PSEN2: variants seen among roughly 807,000 people sequenced by gnomAD.
The protein encoded by PSEN2 is presenilin 2.
In PSEN2, 32 loss-of-function variants were observed where a neutral mutation model predicts 49.1. The observed-to-expected ratio is 0.65, with a 90% CI of 0.49 to 0.88. The LOEUF is 0.88. PSEN2 is among the 40% of genes least tolerant of loss of function. The pLI is 0.00. For synonymous variants in PSEN2, 255 were observed against 244.0 expected (o/e 1.05, Z -0.42); for missense variants, 522 against 586.9 (o/e 0.89, Z 1.14).
downstream of PSEN2, among the ~76,000 whole-genome samples, chr1:226,899,975 T>C (rs1662258401): frequency 6.6e-6 from 1 of 152,170 alleles, no homozygotes; most frequent in Admixed American, 6.5e-5. Context: ...GACTGGGAAA[T>C]GTCTTTATTT....
At chr1:226,886,740 G>A (rs957571580) in intron 6 of PSEN2, among the ~76,000 whole-genome samples, 7 of 152,148 alleles carry the variant, frequency 4.6e-5, no homozygotes, top group Non-Finnish European at 7.4e-5. Context: ...CCCTTCCAGC[G>A]GGGGCAGCAG....
rs572008951 is a variant in PSEN2, at chr1:226,895,281, G to A, written c.1192-143G>A. ...CTTAACACCTCAAGAGCTGTTGCAGGACCAGGGAAGATAATGGGGTGTCTA... is the reference window on the plus strand; with the variant it reads ...CTTAACACCTCAAGAGCTGTTGCAGAACCAGGGAAGATAATGGGGTGTCTA... On this transcript the variant is annotated intron_variant, in intron 12 of 12. Coordinates refer to ENST00000366783, the MANE Select transcript of PSEN2 (RefSeq NM_000447.3). 3.6e-5 allele frequency: 33 copies of A among 905,132 alleles called. No homozygotes were observed. The African/African-American group carries it at 5.1e-4, about 14-fold the overall frequency. The allele number at this position is 905,132 out of a possible 1,614,324, so 56.1% of individuals were successfully genotyped here. A position where few individuals can be genotyped will look rare whatever the true frequency, so the allele number is the denominator to read the frequency against.
At chr1:226,903,300 A>G (rs1232077558) in intron 12 of PSEN2, among the ~76,000 whole-genome samples, 1 of 152,184 alleles carries the variant, frequency 6.6e-6, no homozygotes, top group East Asian at 1.9e-4. Flanking sequence ...TTTGTGTTCT[A>G]GCAGACAGCT....
At chr1:226,890,213 G>C in intron 9 of PSEN2, 80 bp downstream of exon 9, 1 of 1,236,584 alleles carries the variant, frequency 8.1e-7, no homozygotes, top group Non-Finnish European at 1.2e-6. Flanking sequence ...CTTCCTGGCC[G>C]TGGCTTTCAG....
At chr1:226,884,013 A>C in intron 5 of PSEN2, 94 bp downstream of exon 5, 1 of 1,077,222 alleles carries the variant, frequency 9.3e-7, no homozygotes. Flanking sequence ...CTGTACCTGC[A>C]GCTCCACACC....
chr1:226,883,975 T>TGGGGGGGGGGGGGGGGCCTGGGGGG, intron 5 of PSEN2, 56 bp downstream of exon 5: 1 of 129,696 alleles, frequency 7.7e-6, no homozygotes, highest in Non-Finnish European at 1.5e-5. Context: ...TGCCAGGGGG[T>TGGGGGGGGGGGGGGGGCCTGGGGGG]GGGGGGCGCA....
chr1:226,880,616 G>A, intron 3 of PSEN2: 1 of 1,607,412 alleles, frequency 6.2e-7, no homozygotes, highest in Non-Finnish European at 8.5e-7. Flanking sequence ...CCTCTGGACA[G>A]CGATAACTCA....
chr1:226,881,300 C>A (rs965082686), intron 3 of PSEN2, among the ~76,000 whole-genome samples: 2 of 152,150 alleles, frequency 1.3e-5, no homozygotes, highest in Admixed American at 6.5e-5. Context: ...CTCCACTGCC[C>A]GCCCCACAGT....
Position 226,891,292 on chromosome 1 carries a change from A to G in PSEN2, c.901A>G (p.Thr301Ala). The G allele has an allele frequency of 3.1e-6, 5 of 1,613,888 alleles. No individual in the cohort carries two copies. Among genetic ancestry groups the G allele is most frequent in the Non-Finnish European group, 4.2e-6 (5 of 1,179,954 alleles). ...ALIYSSAMVW[T>A]VGMAKLDPSS... is the part of the protein sequence containing the mutation. ...TCCTCCCCCAGCTGCCATGGTGTGGACGGTTGGCATGGCGAAGCTGGACCC... is the reference window on the plus strand; with the variant it reads ...TCCTCCCCCAGCTGCCATGGTGTGGGCGGTTGGCATGGCGAAGCTGGACCC... The change falls in exon 10 of 13, where the codon ACG becomes GCG. Residue 301 changes from threonine to alanine, a missense_variant. Coordinates refer to ENST00000366783, the MANE Select transcript of PSEN2 (RefSeq NM_000447.3).
chr1:226,889,944 A>AGG (rs1661627486), intron 8 of PSEN2, 91 bp from the exon 9 acceptor site: 9 of 1,006,142 alleles, frequency 8.9e-6, no homozygotes, highest in Non-Finnish European at 1.4e-5. Flanking sequence ...ATGCTCTGAG[A>AGG]GCTCCACCCG....
chr1:226,891,513 T>TGAA, intron 10 of PSEN2, 152 bp downstream of exon 10: 1 of 780,568 alleles, frequency 1.3e-6, no homozygotes, highest in Non-Finnish European at 2.1e-6. Context: ...ACATGCGGCT[T>TGAA]GAAGATTCAG....
At chr1:226,877,141 C>T (rs1209740572) in intron 3 of PSEN2, among the ~76,000 whole-genome samples, 1 of 152,152 alleles carries the variant, frequency 6.6e-6, no homozygotes, top group Admixed American at 6.5e-5. Context: ...GGGCCCCAGC[C>T]TGTTCGGGTG....
chr1:226,895,015 C>T (rs926583811), intron 12 of PSEN2, among the ~76,000 whole-genome samples: 5 of 152,200 alleles, frequency 3.3e-5, no homozygotes, highest in African/African-American at 9.7e-5. Flanking sequence ...GGTTGCCTGG[C>T]GGCTCTGATT....
rs1375493118 is a variant in PSEN2, at chr1:226,884,104, G to T, written c.356+185G>T. Among the ~76,000 whole-genome samples, 4 of 152,194 alleles carry T rather than the reference G, an allele frequency of 2.6e-5. No homozygotes were observed. The East Asian group carries it at 7.7e-4, about 29-fold the overall frequency. On this transcript the variant is annotated intron_variant, in intron 5 of 12. Transcript: ENST00000366783. ...GCCTCCTGGATTGTGACCTACTTGG[G>T]CATGCTTTTAACATCCCTATGCCTC... is the stretch of plus-strand genomic sequence containing the variant.
intron 3 of PSEN2, among the ~76,000 whole-genome samples, chr1:226,879,357 T>C (rs969924088): frequency 3.3e-5 from 5 of 152,196 alleles, no homozygotes; most frequent in African/African-American, 1.2e-4. Flanking sequence ...GAGGGTACTC[T>C]GAGTGAAGAG....
At chr1:226,896,518 T>C (rs1445876713), downstream of PSEN2, among the ~76,000 whole-genome samples, 2 of 152,148 alleles carry the variant, frequency 1.3e-5, no homozygotes, top group African/African-American at 4.8e-5. Flanking sequence ...GAGTGGACAG[T>C]TTGGCTTTGC....
intron 12 of PSEN2, chr1:226,903,558 G>C (rs1662378257): frequency 6.6e-6 from 1 of 152,102 alleles, no homozygotes; most frequent in African/African-American, 2.4e-5. Context: ...GTTGGCCCCA[G>C]AGTCGAACAT....
At chr1:226,900,693 A>G (rs1176709486), downstream of PSEN2, among the ~76,000 whole-genome samples, 1 of 152,160 alleles carries the variant, frequency 6.6e-6, no homozygotes, top group Non-Finnish European at 1.5e-5. Context: ...ATTGGCCAAG[A>G]GCTCCCTGAA....
chr1:226,876,760 C>T (rs534025859), intron 3 of PSEN2, among the ~76,000 whole-genome samples: 1 of 152,266 alleles, frequency 6.6e-6, no homozygotes, highest in South Asian at 2.1e-4. Context: ...TTTGGTGGTC[C>T]TGTCACAGTC....
Sources: gnomAD v4.1 joint callset for allele counts (sites outside exome capture counted in the v4.1 genomes callset) on GRCh38, gnomAD v4.1.1 for gene constraint, MANE v1.5 for transcripts, NCBI Gene and HGNC (gene_info 2026-07-23, HGNC 2026-07-21) for gene names.